Variants in RBFOX3 observed in about 807,000 individuals in gnomAD.
RBFOX3 encodes RNA binding fox-1 homolog 3, also known as RNA binding protein fox-1 homolog 3.
Under a neutral mutation model 48.7 loss-of-function variants are expected in RBFOX3, and 17 were observed. That is an observed-to-expected ratio of 0.35 (90% confidence interval 0.24 to 0.52). The LOEUF (loss-of-function observed/expected upper bound fraction) is 0.52. Among genes scored for constraint, RBFOX3 ranks in the 20% least tolerant of loss-of-function variants. The pLI is 0.94. For missense variants in RBFOX3, 382 were observed against 497.5 expected (o/e 0.77, Z 2.21); for synonymous variants, 212 against 209.5 (o/e 1.01, Z -0.10).
chr17:79,540,723 G>T (rs797031536), intron 1 of RBFOX3, among the ~76,000 whole-genome samples: 17 of 152,368 alleles, frequency 1.1e-4, no homozygotes, highest in African/African-American at 3.1e-4. Flanking sequence ...CAGGTTGTGG[G>T]TTGCTCGACC....
At chr17:79,314,104 T>C (rs1031036581) in intron 2 of RBFOX3, among the ~76,000 whole-genome samples, 2 of 152,014 alleles carry the variant, frequency 1.3e-5, no homozygotes, top group Non-Finnish European at 2.9e-5. Context: ...CTACAGACAA[T>C]GGGGTCTAAC....
In RBFOX3 at chr17:79,299,647, C is replaced by T. The variant is rs974283691; in HGVS notation, c.-74+8077G>A. On this transcript the variant is annotated intron_variant, in intron 3 of 14. Transcript: ENST00000693108. The surrounding 1 kb of genome is among the most constrained non-coding windows in gnomAD (Gnocchi z 4.5). ...GGAACTAACCCCCTGAGGATACCAACGGACAACTGTGTTTAGAGATATGGA... is the reference window on the plus strand; with the variant it reads ...GGAACTAACCCCCTGAGGATACCAATGGACAACTGTGTTTAGAGATATGGA... Among the ~76,000 whole-genome samples the T allele has an allele frequency of 3.9e-5, 6 of 152,234 alleles. No individual in the cohort carries two copies. Among genetic ancestry groups the T allele is most frequent in the South Asian group, 2.1e-4 (1 of 4,812 alleles).
chr17:79,142,648 G>A (rs568215458), intron 4 of RBFOX3, among the ~76,000 whole-genome samples: 4 of 152,276 alleles, frequency 2.6e-5, no homozygotes, highest in East Asian at 1.9e-4. Context: ...TCTTCTCCAC[G>A]TAGACTGGCT....
chr17:79,419,394 G>T (rs1247298699), intron 2 of RBFOX3, among the ~76,000 whole-genome samples: 3 of 152,200 alleles, frequency 2.0e-5, no homozygotes, highest in Non-Finnish European at 4.4e-5. Flanking sequence ...CAAGACCTAC[G>T]TCTTGGCAGG....
At chr17:79,290,750 A>T (rs2073096602) in intron 3 of RBFOX3, among the ~76,000 whole-genome samples, 1 of 152,118 alleles carries the variant, frequency 6.6e-6, no homozygotes, top group African/African-American at 2.4e-5. Flanking sequence ...CATACATCTC[A>T]TCGAGCCTCC....
intron 1 of RBFOX3, among the ~76,000 whole-genome samples, chr17:79,562,501 G>C (rs1197572836): frequency 1.3e-5 from 2 of 152,204 alleles, no homozygotes; most frequent in African/African-American, 4.8e-5. Context: ...ATTAGTTCTT[G>C]TTCTCCTGAT....
At chr17:79,475,367 A>G (rs2077581848) in intron 2 of RBFOX3, among the ~76,000 whole-genome samples, 1 of 152,154 alleles carries the variant, frequency 6.6e-6, no homozygotes, top group Non-Finnish European at 1.5e-5. Flanking sequence ...TTTCCAGAGC[A>G]TCTCAGTGTC....
intron 1 of RBFOX3, among the ~76,000 whole-genome samples, chr17:79,562,734 C>T (rs933609617): frequency 1.3e-5 from 2 of 152,178 alleles, no homozygotes; most frequent in Non-Finnish European, 2.9e-5. Flanking sequence ...ATAAGGGAAT[C>T]GGGGTAGGGG....
At chr17:79,280,148 C>A (rs112607544) in intron 3 of RBFOX3, among the ~76,000 whole-genome samples, 1 of 117,774 alleles carries the variant, frequency 8.5e-6, no homozygotes, top group African/African-American at 3.4e-5. Flanking sequence ...CACACATGTG[C>A]GTGCACACAC....
rs149635952 is a variant in RBFOX3 at position 79,212,404 on chromosome 17, C to T, written c.-34+23362G>A. ...CTGCTCCTTCCTTCCCTCCTGCAGC[C>T]GGGCTCCTGGCGCTGCCCGTTCCCA... On this transcript the variant is annotated intron_variant, in intron 4 of 14. Transcript: ENST00000693108. This position sits in a 1 kb window ranked among gnomAD's most constrained non-coding sequence, Gnocchi z 4.7. Among the ~76,000 whole-genome samples the T allele has an allele frequency of 6.9e-4, 105 of 152,246 alleles. No homozygotes were observed. The East Asian group carries it at 0.017, about 25-fold the overall frequency.
chr17:79,638,850 C>T, the RBFOX3 span, among the ~76,000 whole-genome samples: 2 of 152,204 alleles, frequency 1.3e-5, no homozygotes, highest in Non-Finnish European at 2.9e-5. Flanking sequence ...TGAGTGGCAG[C>T]AACCTGAGGC....
chr17:79,389,645 G>T (rs1024088473), intron 2 of RBFOX3, among the ~76,000 whole-genome samples: 2 of 152,200 alleles, frequency 1.3e-5, no homozygotes, highest in African/African-American at 4.8e-5. Flanking sequence ...TGCTGGGCCG[G>T]TTTCCAGACT....
chr17:79,430,579 C>T (rs2068250590), intron 2 of RBFOX3, among the ~76,000 whole-genome samples: 1 of 152,232 alleles, frequency 6.6e-6, no homozygotes, highest in African/African-American at 2.4e-5. Context: ...CAGAGTCTCA[C>T]TGTGTCACCC....
intron 2 of RBFOX3, among the ~76,000 whole-genome samples, chr17:79,410,130 G>A (rs549750747): frequency 6.6e-6 from 1 of 152,354 alleles, no homozygotes; most frequent in South Asian, 2.1e-4. Context: ...CGTGCCTGCT[G>A]CCTCAGCTCA....
At chr17:79,178,546 G>A (rs1186816075) in intron 4 of RBFOX3, among the ~76,000 whole-genome samples, 1 of 152,192 alleles carries the variant, frequency 6.6e-6, no homozygotes, top group Admixed American at 6.5e-5. Flanking sequence ...GGTAGTACGT[G>A]ACCTAACCTC....
At position 79,294,292 on chromosome 17, in the gene RBFOX3, C is replaced by T. The variant is rs544510855; in HGVS notation, c.-74+13432G>A. On this transcript the variant is annotated intron_variant, in intron 3 of 14. Transcript: ENST00000693108. Reference sequence around the variant, plus strand: ...CAGTTCTAGCCTTGAGTGTCTGTGCCGGACTCCGGTAGCAGACACCTTTTG... The same window carrying T: ...CAGTTCTAGCCTTGAGTGTCTGTGCTGGACTCCGGTAGCAGACACCTTTTG... Among the ~76,000 whole-genome samples the T allele has an allele frequency of 2.4e-3, 367 of 152,216 alleles. 4 individuals carry two copies. The highest frequency in any genetic ancestry group is 8.7e-3 in the African/African-American group (361 of 41,534).
chr17:79,633,070 C>A, the RBFOX3 span, among the ~76,000 whole-genome samples: 1 of 152,276 alleles, frequency 6.6e-6, no homozygotes, highest in African/African-American at 2.4e-5. Flanking sequence ...CCACGAAGTT[C>A]CTCAAGGAGA....
chr17:79,406,479 G>A (rs773937644), intron 2 of RBFOX3, among the ~76,000 whole-genome samples: 2 of 152,180 alleles, frequency 1.3e-5, no homozygotes, highest in Non-Finnish European at 2.9e-5. Flanking sequence ...GGCTGGCGAG[G>A]ATGAGGCCTC....
intron 2 of RBFOX3, among the ~76,000 whole-genome samples, chr17:79,445,994 C>T (rs1033002042): frequency 7.2e-5 from 11 of 152,164 alleles, no homozygotes; most frequent in Non-Finnish European, 1.3e-4. Flanking sequence ...ACATGGCGAG[C>T]GGAACCAGGG....
Sources: allele counts gnomAD v4.1 joint callset (sites outside exome capture counted in the v4.1 genomes callset), GRCh38; gene constraint gnomAD v4.1.1; non-coding constraint Gnocchi (gnomAD v3.1); transcripts MANE v1.5; gene names NCBI Gene and HGNC (gene_info 2026-07-23, HGNC 2026-07-21).